The following ST8SIA4 variants were observed in gnomAD, a reference collection of about 807,000 sequenced individuals.
ST8SIA4 encodes CMP-N-acetylneuraminate-poly-alpha-2,8-sialyltransferase.
ST8SIA4 carries 15 observed loss-of-function variants against 33.9 expected under a neutral mutation model. The ratio of observed to expected loss-of-function variants is 0.44; its 90% CI spans 0.30 to 0.68. The LOEUF is 0.68. Among genes scored for constraint, ST8SIA4 ranks in the 30% least tolerant of loss-of-function variants. The probability of loss-of-function intolerance (pLI) is 0.10; values close to 1 mark genes in which losing one functional copy is unlikely to be tolerated. For synonymous variants in ST8SIA4, 171 were observed against 151.2 expected (o/e 1.13, Z -0.96); for missense variants, 321 against 428.0 (o/e 0.75, Z 2.21).
chr5:100,824,773 T>A (rs995134235), intron 4 of ST8SIA4, among the ~76,000 whole-genome samples: 1 of 151,744 alleles, frequency 6.6e-6, no homozygotes, highest in Non-Finnish European at 1.5e-5. Context: ...GTTAATAAGA[T>A]CCTTAGGTCA....
intron 3 of ST8SIA4, among the ~76,000 whole-genome samples, chr5:100,861,934 CATATT>C (rs1338927857): frequency 2.0e-5 from 3 of 152,114 alleles, no homozygotes; most frequent in Non-Finnish European, 1.5e-5. Flanking sequence ...GTGGATAAAA[CATATT>C]AGATTATGCT....
At chr5:100,875,577 A>G (rs866534273) in intron 3 of ST8SIA4, among the ~76,000 whole-genome samples, 2 of 152,126 alleles carry the variant, frequency 1.3e-5, no homozygotes, top group Admixed American at 6.6e-5. Context: ...GAGACTCTGA[A>G]TTGTAGTGAT....
chr5:100,825,838 C>T (rs2095618737), intron 4 of ST8SIA4, among the ~76,000 whole-genome samples: 1 of 152,242 alleles, frequency 6.6e-6, no homozygotes, highest in Middle Eastern at 3.4e-3. Context: ...AGAGATTATT[C>T]ACCTAATTTG....
At chr5:100,887,334 C>T (rs1476804681) in intron 2 of ST8SIA4, among the ~76,000 whole-genome samples, 2 of 151,982 alleles carry the variant, frequency 1.3e-5, no homozygotes, top group Non-Finnish European at 2.9e-5. Flanking sequence ...TACTTGGGCA[C>T]ATGGATGCTC....
chr5:100,865,734 G>A (rs1752047989), intron 3 of ST8SIA4, among the ~76,000 whole-genome samples: 1 of 151,884 alleles, frequency 6.6e-6, no homozygotes, highest in South Asian at 2.1e-4. Context: ...ACTCCCTATT[G>A]TATTCCCCAT....
chr5:100,829,658 C>A (rs1751211371), intron 4 of ST8SIA4, among the ~76,000 whole-genome samples: 1 of 152,114 alleles, frequency 6.6e-6, no homozygotes, highest in South Asian at 2.1e-4. Context: ...ACCTGTAATC[C>A]CAGCACTTTG....
intron 3 of ST8SIA4, among the ~76,000 whole-genome samples, chr5:100,858,845 A>G (rs967880400): frequency 3.9e-5 from 6 of 152,128 alleles, no homozygotes; most frequent in African/African-American, 1.4e-4. Flanking sequence ...GAGCACAATC[A>G]GACTTTGTCA....
At chr5:100,818,686 G>A (rs1750980289) in intron 4 of ST8SIA4, among the ~76,000 whole-genome samples, 1 of 152,038 alleles carries the variant, frequency 6.6e-6, no homozygotes, top group South Asian at 2.1e-4. Context: ...CTGAGAAAAA[G>A]AAAGTAGAAA....
intron 3 of ST8SIA4, among the ~76,000 whole-genome samples, chr5:100,874,194 T>C (rs1390442415): frequency 6.6e-6 from 1 of 152,136 alleles, no homozygotes; most frequent in Admixed American, 6.6e-5. Flanking sequence ...TCTCAATTCT[T>C]GAAATTTTAC....
chr5:100,828,195 G>A (rs138549184), intron 4 of ST8SIA4, among the ~76,000 whole-genome samples: 1 of 152,150 alleles, frequency 6.6e-6, no homozygotes, highest in East Asian at 1.9e-4. Context: ...TTCACTTCTC[G>A]GGTTCATTAC....
At chr5:100,870,531 T>A (rs1250406431) in intron 3 of ST8SIA4, among the ~76,000 whole-genome samples, 6 of 152,200 alleles carry the variant, frequency 3.9e-5, no homozygotes, top group African/African-American at 4.8e-5. Flanking sequence ...GTAAACATTT[T>A]AAAAATCTTT....
chr5:100,894,132 G>A (rs1752731747), intron 2 of ST8SIA4, among the ~76,000 whole-genome samples: 1 of 152,108 alleles, frequency 6.6e-6, no homozygotes, highest in African/African-American at 2.4e-5. Context: ...CATGAAAGAT[G>A]TGAGCTCCAG....
chr5:100,879,715 T>G (rs1215450754), intron 3 of ST8SIA4, among the ~76,000 whole-genome samples: 1 of 152,158 alleles, frequency 6.6e-6, no homozygotes, highest in Non-Finnish European at 1.5e-5. Flanking sequence ...AAAAATATGT[T>G]AATACGAGAA....
intron 4 of ST8SIA4, among the ~76,000 whole-genome samples, chr5:100,834,853 T>C (rs1044449560): frequency 6.6e-6 from 1 of 152,192 alleles, no homozygotes; most frequent in African/African-American, 2.4e-5. Context: ...AAGCAGATGC[T>C]GGTGCCATGA....
intron 3 of ST8SIA4, chr5:100,885,654 TA>T (rs1221550435): frequency 2.1e-6 from 2 of 944,688 alleles, no homozygotes; most frequent in Admixed American, 6.2e-5. Flanking sequence ...AATTGATCAT[TA>T]AAAACTGCTT....
At chr5:100,881,963 A>G (rs1212027190) in intron 3 of ST8SIA4, among the ~76,000 whole-genome samples, 1 of 152,200 alleles carries the variant, frequency 6.6e-6, no homozygotes, top group East Asian at 1.9e-4. Flanking sequence ...AGTCTCAGGC[A>G]TGTCTTTATC....
At chr5:100,819,631 C>A (rs192724591) in intron 4 of ST8SIA4, among the ~76,000 whole-genome samples, 2 of 152,278 alleles carry the variant, frequency 1.3e-5, no homozygotes, top group African/African-American at 4.8e-5. Context: ...AGAAAATATT[C>A]CTCCTGGCCT....
intron 2 of ST8SIA4, among the ~76,000 whole-genome samples, chr5:100,894,719 T>G (rs1382994759): frequency 2.6e-5 from 4 of 152,084 alleles, no homozygotes; most frequent in Admixed American, 1.3e-4. Context: ...TTCAAATTTC[T>G]TATAATCTAC....
At chr5:100,829,396 C>G (rs1751206835) in intron 4 of ST8SIA4, among the ~76,000 whole-genome samples, 1 of 152,188 alleles carries the variant, frequency 6.6e-6, no homozygotes, top group Non-Finnish European at 1.5e-5. Flanking sequence ...CTTCACTCCT[C>G]CCAACTATTA....
Sources: gnomAD v4.1 joint callset for allele counts (sites outside exome capture counted in the v4.1 genomes callset) on GRCh38, gnomAD v4.1.1 for gene constraint, MANE v1.5 for transcripts, NCBI Gene and HGNC (gene_info 2026-07-23, HGNC 2026-07-21) for gene names.